ZNF316: variants seen among roughly 807,000 people sequenced by gnomAD.
The protein encoded by ZNF316 is zinc finger protein 316.
A neutral mutation model predicts 75.6 loss-of-function variants in ZNF316; 23 were observed. That is an observed-to-expected ratio of 0.30 (90% CI 0.22 to 0.43). ZNF316 has a LOEUF of 0.43. Ranked by LOEUF, ZNF316 falls within the 20% of genes least tolerant of loss-of-function variation. ZNF316 has a pLI of 1.00. For missense variants in ZNF316, 1,266 were observed against 1,409.4 expected, an observed-to-expected ratio of 0.90 and a Z score of 1.63; for synonymous variants, 827 against 666.2, an observed-to-expected ratio of 1.24 and a Z score of -3.72.
At chr7:6,649,026 C>T (rs1779459162) in intron 8 of ZNF316, among the ~76,000 whole-genome samples, 1 of 152,152 alleles carries the variant, frequency 6.6e-6, no homozygotes, top group Non-Finnish European at 1.5e-5. Flanking sequence ...GGGTGGTCTC[C>T]CTCTCCATCA....
rs1184763889 is a variant in ZNF316, at chr7:6,647,759, C to T, written c.706+3166C>T. 4.6e-5 allele frequency among the ~76,000 whole-genome samples: 7 copies of T among 152,258 alleles called. No homozygotes were observed. In the South Asian group the frequency reaches 1.0e-3, roughly 23 times the overall value. Reference sequence around the variant, plus strand: ...CAGGAGTGGGAGTCGTAGATGGTGGCGGCCTGGTGCCATGGGTGGTGTGTG... The same window carrying T: ...CAGGAGTGGGAGTCGTAGATGGTGGTGGCCTGGTGCCATGGGTGGTGTGTG... On this transcript the variant is annotated intron_variant, in intron 8 of 8. Transcript: ENST00000382252.
chr7:6,654,435 G>C lies in ZNF316; in HGVS notation c.2839G>C (p.Gly947Arg). The change falls in exon 9 of 9, where the codon GGT (glycine) becomes CGT (arginine). Residue 947 changes from glycine (G) to arginine (R), a missense_variant. Gly to Arg is a moderately radical substitution (Grantham distance 125). Around this residue, in one of 3 missense-constraint regions of ZNF316, gnomAD observed 111 missense variants for 99.2 expected, o/e 1.12. Coordinates refer to ENST00000382252, the MANE Select transcript of ZNF316 (RefSeq NM_001278559.2). ...HRGATAAPGS[G>R]SAPAPAPKPE... ...CGGAGCCACCGCAGCGCCGGGCTCG[G>C]GTTCGGCCCCAGCCCCCGCGCCCAA... is the stretch of plus-strand genomic sequence containing the variant. 8.3e-7 allele frequency: 1 copy of C among 1,206,534 alleles called. No homozygotes were observed. Among genetic ancestry groups the C allele is most frequent in the Non-Finnish European group, 1.0e-6 (1 of 971,992 alleles). The allele number at this position is 1,206,534 out of a possible 1,614,324, so 74.7% of individuals were successfully genotyped here. A position where few individuals can be genotyped will look rare whatever the true frequency, so the allele number is the denominator to read the frequency against.
intron 8 of ZNF316, among the ~76,000 whole-genome samples, chr7:6,646,623 C>G (rs1779409234): frequency 6.6e-6 from 1 of 152,012 alleles, no homozygotes; most frequent in African/African-American, 2.4e-5. Context: ...GCCCCCCGGC[C>G]CTGAGTGGGT....
intron 6 of ZNF316, 134 bp downstream of exon 6, chr7:6,643,207 A>G: frequency 8.4e-7 from 1 of 1,193,714 alleles, no homozygotes; most frequent in Non-Finnish European, 1.0e-6. Context: ...CCAGGCCCTG[A>G]GCTGGGAGTG....
chr7:6,643,983 C>T (rs935069307), intron 7 of ZNF316, 35 bp downstream of exon 7: 19 of 1,231,882 alleles, frequency 1.5e-5, no homozygotes, highest in Non-Finnish European at 1.8e-5. Flanking sequence ...AAGAGGCAGC[C>T]TGGTGTGATG....
At chr7:6,643,117 G>T (rs1779340904) in intron 6 of ZNF316, 44 bp downstream of exon 6, 4 of 1,232,386 alleles carry the variant, frequency 3.2e-6, no homozygotes, top group Non-Finnish European at 3.0e-6. Flanking sequence ...CCTGGGCAGG[G>T]TTTCCCCCGG....
chr7:6,643,034 G>T lies in ZNF316; in HGVS notation c.426G>T (p.Glu142Asp). The T allele has an allele frequency of 8.1e-7, 1 of 1,240,394 alleles. No homozygotes were observed. 76.8% of individuals were successfully genotyped at this position (1,240,394 alleles called of 1,614,324 possible). Residue 142 changes from glutamate (E) to aspartate (D), a missense_variant, in exon 6 of 9, where the codon GAG becomes GAT. By Grantham distance (45) the Glu-to-Asp change is conservative. Around this residue, in one of 3 missense-constraint regions of ZNF316, gnomAD observed 961 missense variants for 990.9 expected, o/e 0.97. Coordinates refer to ENST00000382252, the MANE Select transcript of ZNF316 (RefSeq NM_001278559.2). ...EDLEEEEEEEEDEDEDDLLTA... is the reference protein window; with the variant it reads ...EDLEEEEEEEDDEDEDDLLTA... ...TGGAGGAGGAGGAAGAGGAGGAGGAGGATGAGGACGAGGATGATTTGCTGA... is the reference window on the plus strand; with the variant it reads ...TGGAGGAGGAGGAAGAGGAGGAGGATGATGAGGACGAGGATGATTTGCTGA...
At chr7:6,647,937 G>A (rs1323761427) in intron 8 of ZNF316, among the ~76,000 whole-genome samples, 7 of 152,296 alleles carry the variant, frequency 4.6e-5, no homozygotes, top group South Asian at 2.1e-4. Context: ...GGGCCCCCAC[G>A]CTGTGCCCAG....
chr7:6,639,712 C>A lies in ZNF316; in HGVS notation c.-167+571C>A, dbSNP rs371667970. Among the ~76,000 whole-genome samples the A allele has an allele frequency of 6.6e-6, 1 of 152,200 alleles. No homozygotes were observed. The highest frequency in any genetic ancestry group is 1.5e-5 in the Non-Finnish European group (1 of 68,046). On this transcript the variant is annotated intron_variant, in intron 3 of 8. Transcript: ENST00000382252. This position sits in a 1 kb window ranked among gnomAD's most constrained non-coding sequence, Gnocchi z 4.2. ...ACTGAGCTTGGCATGGCACCTAGGC[C>A]CAGCCTGAATCTGCGGCCTGAGGCT...
At position 6,642,389 on chromosome 7, in the gene ZNF316, G is replaced by A; in HGVS notation, c.-21G>A. Reference sequence around the variant, plus strand: ...CGTCCATCTGCATTTCAGGCCACGTGGAGGCTCGCTCCCAGGGAGGATGGC... The same window carrying A: ...CGTCCATCTGCATTTCAGGCCACGTAGAGGCTCGCTCCCAGGGAGGATGGC... On this transcript the variant is annotated 5_prime_UTR_variant, in exon 5 of 9. The change creates a premature stop within an existing upstream ORF in the 5' untranslated region. Coordinates refer to ENST00000382252, the MANE Select transcript of ZNF316 (RefSeq NM_001278559.2). This position sits in a 1 kb window ranked among gnomAD's most constrained non-coding sequence, Gnocchi z 8.1. 1.6e-6 allele frequency: 2 copies of A among 1,231,174 alleles called. No individual in the cohort carries two copies. The highest frequency in any genetic ancestry group is 2.0e-6 in the Non-Finnish European group (2 of 987,154). 76.3% of individuals were successfully genotyped at this position (1,231,174 alleles called of 1,614,324 possible).
intron 2 of ZNF316, among the ~76,000 whole-genome samples, chr7:6,638,448 C>T (rs1470413722): frequency 6.6e-6 from 1 of 152,162 alleles, no homozygotes; most frequent in African/African-American, 2.4e-5. Context: ...AAGCACACCC[C>T]CACATCTCCC....
chr7:6,642,844 G>A lies in ZNF316; in HGVS notation c.355+80G>A. 4 of 1,098,510 alleles carry A rather than the reference G, an allele frequency of 3.6e-6. No homozygotes were observed. The highest frequency in any genetic ancestry group is 4.6e-6 in the Non-Finnish European group (4 of 869,954). 68.0% of individuals were successfully genotyped at this position (1,098,510 alleles called of 1,614,324 possible). On this transcript the variant is annotated intron_variant, in intron 5 of 8. Coordinates refer to ENST00000382252, the MANE Select transcript of ZNF316 (RefSeq NM_001278559.2). This position sits in a 1 kb window ranked among gnomAD's most constrained non-coding sequence, Gnocchi z 8.1. ...GCCAGGGACCTGGTCAAGCCAGGAG[G>A]GCTCTTGGGCCGACAGGGTGGAGCT... is the stretch of plus-strand genomic sequence containing the variant.
rs1157838657 is a variant in ZNF316 at position 6,654,074 on chromosome 7, C to T, written c.2478C>T (p.Ala826=). 1 of 1,212,222 alleles carries T rather than the reference C, an allele frequency of 8.2e-7. No individual in the cohort carries two copies. The highest frequency in any genetic ancestry group is 1.0e-6 in the Non-Finnish European group (1 of 975,408). 75.1% of individuals were successfully genotyped at this position (1,212,222 alleles called of 1,614,324 possible). A position where few individuals can be genotyped will look rare whatever the true frequency, so the allele number is the denominator to read the frequency against. ...TGACGCGGCATCAGTGGGCGCACGC[C>T]GAGGAGAAGCCGCACCGCTGCCCCG... is the stretch of plus-strand genomic sequence containing the variant. ...AALTRHQWAH[A]EEKPHRCPDC... is the part of the protein sequence containing the mutation. Residue 826 remains alanine, a synonymous_variant, in exon 9 of 9, where the codon GCC becomes GCT. Coordinates refer to ENST00000382252, the MANE Select transcript of ZNF316 (RefSeq NM_001278559.2).
rs1779648838 is a variant in ZNF316, at chr7:6,657,563, G to A, written c.*2952G>A. Among the ~76,000 whole-genome samples the A allele has an allele frequency of 6.6e-6, 1 of 152,044 alleles. No homozygotes were observed. Among genetic ancestry groups the A allele is most frequent in the Admixed American group, 6.6e-5 (1 of 15,264 alleles). ...AAGTTAAATGAGGCTGGGTGCGATG[G>A]CTCATGCCTGTAATCCCAGCACTAT... On this transcript the variant is annotated 3_prime_UTR_variant, in exon 9 of 9. Transcript: ENST00000382252.
chr7:6,638,173 C>T (rs772100636), intron 2 of ZNF316, among the ~76,000 whole-genome samples, 164 bp downstream of exon 2: 1 of 152,020 alleles, frequency 6.6e-6, no homozygotes, highest in Non-Finnish European at 1.5e-5. Flanking sequence ...GGGGAGACCT[C>T]GGTGCTTGGT....
In ZNF316 at chr7:6,646,312, C is replaced by A. The variant is rs1441207448; in HGVS notation, c.706+1719C>A. Among the ~76,000 whole-genome samples, 25 of 152,316 alleles carry A rather than the reference C, an allele frequency of 1.6e-4. 1 individual carries two copies. Among genetic ancestry groups the A allele is most frequent in the Admixed American group, 1.6e-3 (24 of 15,306 alleles). On this transcript the variant is annotated intron_variant, in intron 8 of 8. Transcript: ENST00000382252. ...TGGTTGGCAAGAAAGATCACTGCTG[C>A]CCCCAGGATGAGTCTGGGATGTGGA... is the stretch of plus-strand genomic sequence containing the variant.
At position 6,644,675 on chromosome 7, in the gene ZNF316, G is replaced by A. The variant is rs562097955; in HGVS notation, c.706+82G>A. The A allele has an allele frequency of 3.2e-4, 228 of 712,546 alleles. 2 individuals carry two copies. In the Middle Eastern group the frequency reaches 0.014, roughly 44 times the overall value. 44.1% of individuals were successfully genotyped at this position (712,546 alleles called of 1,614,324 possible). A position where few individuals can be genotyped will look rare whatever the true frequency, so the allele number is the denominator to read the frequency against. ...AACTTTGGCCTTCACTGCGCTCTCT[G>A]CAGACCTGGTACCTGGTGCCTCTGA... On this transcript the variant is annotated intron_variant, in intron 8 of 8. Coordinates refer to ENST00000382252, the MANE Select transcript of ZNF316 (RefSeq NM_001278559.2).
chr7:6,649,491 C>T (rs2250356), intron 8 of ZNF316, among the ~76,000 whole-genome samples: 1 of 152,026 alleles, frequency 6.6e-6, no homozygotes, highest in South Asian at 2.1e-4. Context: ...ATCTGGAAAA[C>T]GGCTTTGGAT....
chr7:6,650,142 C>T (rs563297468), intron 8 of ZNF316, among the ~76,000 whole-genome samples: 6 of 152,342 alleles, frequency 3.9e-5, no homozygotes, highest in Non-Finnish European at 7.3e-5. Flanking sequence ...TGCATCAGAG[C>T]CTCAGGGTGA....
Sources: allele counts gnomAD v4.1 joint callset (sites outside exome capture counted in the v4.1 genomes callset), GRCh38; gene constraint gnomAD v4.1.1; regional missense constraint gnomAD v4.1.1; non-coding constraint Gnocchi (gnomAD v3.1); transcripts MANE v1.5; gene names NCBI Gene and HGNC (gene_info 2026-07-23, HGNC 2026-07-21).